Variants in NRCAM observed in about 807,000 individuals in gnomAD.
The protein encoded by NRCAM is NgCAM-related cell adhesion molecule.
NRCAM carries 83 observed loss-of-function variants against 156.5 expected under a neutral mutation model. That is an observed-to-expected ratio of 0.53 (90% CI 0.44 to 0.64). The LOEUF (loss-of-function observed/expected upper bound fraction) is 0.64. NRCAM is among the 30% of genes least tolerant of loss of function. The pLI is 0.00. For missense variants in NRCAM, 1,417 were observed against 1,597.3 expected (o/e 0.89, Z 1.92); for synonymous variants, 538 against 563.9 (o/e 0.95, Z 0.65).
At chr7:108,306,899 T>C (rs183087927) in intron 3 of NRCAM, among the ~76,000 whole-genome samples, 2 of 152,292 alleles carry the variant, frequency 1.3e-5, no homozygotes, top group Admixed American at 6.5e-5. Flanking sequence ...TCCATAAGTA[T>C]TTTCAGTTTT....
intron 6 of NRCAM, among the ~76,000 whole-genome samples, chr7:108,233,002 G>A (rs1562868521): frequency 6.6e-6 from 1 of 152,132 alleles, no homozygotes; most frequent in Non-Finnish European, 1.5e-5. Context: ...GTGAAGTGTA[G>A]GTTGGGAGGA....
At chr7:108,278,601 G>T (rs2097736253) in intron 3 of NRCAM, among the ~76,000 whole-genome samples, 2 of 152,218 alleles carry the variant, frequency 1.3e-5, no homozygotes, top group South Asian at 4.1e-4. Context: ...TGGTTGTGAA[G>T]ACCATAGGAA....
At chr7:108,349,528 A>G (rs2099396364) in intron 2 of NRCAM, among the ~76,000 whole-genome samples, 1 of 152,100 alleles carries the variant, frequency 6.6e-6, no homozygotes, top group Non-Finnish European at 1.5e-5. Context: ...TCAGCCTCCT[A>G]AAGTGCTGGG....
In NRCAM at chr7:108,210,253, G is replaced by GT. The variant is rs199832849; in HGVS notation, c.891-649dup. On this transcript the variant is annotated intron_variant, in intron 11 of 32. Transcript: ENST00000379028. Reference sequence around the variant, plus strand: ...CATTTGTCACCCAATGTTTTGTTTTGTTTTTTTTTTTGAGATGGAGTCTTG... The same window carrying GT: ...CATTTGTCACCCAATGTTTTGTTTTGTTTTTTTTTTTTGAGATGGAGTCTTG... Among the ~76,000 whole-genome samples the GT allele has an allele frequency of 9.4e-3, 798 of 85,000 alleles. 6 individuals are homozygous for GT. The highest frequency in any genetic ancestry group is 0.053 in the East Asian group (235 of 4,430). 55.8% of individuals were successfully genotyped at this position (85,000 alleles called of 152,430 possible). A position where few individuals can be genotyped will look rare whatever the true frequency, so the allele number is the denominator to read the frequency against.
At chr7:108,196,337 G>T (rs975244859) in intron 14 of NRCAM, among the ~76,000 whole-genome samples, 2 of 152,140 alleles carry the variant, frequency 1.3e-5, no homozygotes, top group African/African-American at 4.8e-5. Context: ...AGACAAATGG[G>T]ATTACACCAG....
rs1301567635 is a variant in NRCAM at position 108,180,339 on chromosome 7, T to A, written c.2735A>T (p.His912Leu). 1 of 1,613,798 alleles carries A rather than the reference T, an allele frequency of 6.2e-7. No homozygotes were observed. The highest frequency in any genetic ancestry group is 1.3e-5 in the African/African-American group (1 of 74,958). Residue 912 changes from histidine to leucine, a missense_variant, in exon 25 of 33, where the codon CAT becomes CTT. This residue lies in a region of NRCAM where 1,238 missense variants were observed against 1,336.4 expected (regional missense o/e 0.93). Coordinates refer to ENST00000379028, the MANE Select transcript of NRCAM (RefSeq NM_001037132.4). ...KILTFQGSKT[H>L]GMLPGLEPFS... is the part of the protein sequence containing the mutation. ...GGGCTCTAGCCCCGGCAACATGCCATGAGTCTTGCTGCCTTGGAAGGTGAG... is the reference window on the plus strand; with the variant it reads ...GGGCTCTAGCCCCGGCAACATGCCAAGAGTCTTGCTGCCTTGGAAGGTGAG...
intron 2 of NRCAM, among the ~76,000 whole-genome samples, chr7:108,334,663 C>G (rs2099160748): frequency 6.6e-6 from 1 of 152,180 alleles, no homozygotes; most frequent in African/African-American, 2.4e-5. Flanking sequence ...AGATCACAGT[C>G]CCACCTGAGA....
At chr7:108,232,567 A>C in intron 6 of NRCAM, 45 bp from the exon 7 acceptor site, 1 of 1,385,736 alleles carries the variant, frequency 7.2e-7, no homozygotes, top group South Asian at 1.4e-5. Context: ...GTCCAGAAAA[A>C]TGGGATTACC....
chr7:108,360,417 T>C (rs186971275), intron 2 of NRCAM, among the ~76,000 whole-genome samples: 28 of 152,214 alleles, frequency 1.8e-4, no homozygotes, highest in Non-Finnish European at 3.8e-4. Flanking sequence ...CAAATGAACA[T>C]GACCCGGGGT....
Position 108,284,887 on chromosome 7 carries a change from GCA to G in NRCAM, c.-107+27776_-107+27777del, listed in dbSNP as rs1226304103. On this transcript the variant is annotated intron_variant, in intron 3 of 32. Transcript: ENST00000379028. ...TTCTGCTTTGTGCTGCACGCACTTA[GCA>G]CAGCTACTGGCACATAATTAGCACT... 3.9e-5 allele frequency among the ~76,000 whole-genome samples: 6 copies of G among 152,340 alleles called. No individual in the cohort carries two copies. The East Asian group carries it at 1.2e-3, about 29-fold the overall frequency.
intron 3 of NRCAM, among the ~76,000 whole-genome samples, chr7:108,252,230 G>A (rs1433923000): frequency 2.0e-5 from 3 of 152,192 alleles, no homozygotes; most frequent in Non-Finnish European, 4.4e-5. Flanking sequence ...CTGCTCCTGC[G>A]TGGTCAGCTG....
At chr7:108,270,898 T>A (rs2097319171) in intron 3 of NRCAM, among the ~76,000 whole-genome samples, 1 of 152,254 alleles carries the variant, frequency 6.6e-6, no homozygotes, top group Non-Finnish European at 1.5e-5. Context: ...TTACTATAAA[T>A]GGGTTTAGAG....
In NRCAM at chr7:108,456,420, C is replaced by CCTGGCGAAGCGAGG. The variant is rs1857470147; in HGVS notation, c.-523_-510dup. On this transcript the variant is annotated 5_prime_UTR_variant, in exon 1 of 33. Transcript: ENST00000379028. Reference sequence around the variant, plus strand: ...ACTGCGGCGCGCGTCCGCCAGCGACCCTGGCGAAGCGAGGCTGGCCCCGCG... The same window carrying CCTGGCGAAGCGAGG: ...ACTGCGGCGCGCGTCCGCCAGCGACCCTGGCGAAGCGAGGCTGGCGAAGCGAGGCTGGCCCCGCG... 6.6e-6 allele frequency: 1 copy of CCTGGCGAAGCGAGG among 151,212 alleles called. No homozygotes were observed. Among genetic ancestry groups the CCTGGCGAAGCGAGG allele is most frequent in the South Asian group, 2.1e-4 (1 of 4,852 alleles). The allele number at this position is 151,212 out of a possible 1,614,324, so 9.4% of individuals were successfully genotyped here.
intron 3 of NRCAM, among the ~76,000 whole-genome samples, chr7:108,282,862 C>T (rs1029155243): frequency 2.0e-5 from 3 of 152,260 alleles, no homozygotes; most frequent in Non-Finnish European, 1.5e-5. Context: ...TCAAACTCTA[C>T]TGCACACTAG....
chr7:108,267,290 T>C (rs879308819), intron 3 of NRCAM, among the ~76,000 whole-genome samples: 1 of 152,208 alleles, frequency 6.6e-6, no homozygotes, highest in African/African-American at 2.4e-5. Flanking sequence ...GATGTGTGAT[T>C]AGAACTATAG....
chr7:108,453,395 G>A (rs187358945), intron 1 of NRCAM, among the ~76,000 whole-genome samples: 2 of 152,278 alleles, frequency 1.3e-5, no homozygotes, highest in East Asian at 3.9e-4. Context: ...TACACCTAGC[G>A]ATTATTGCCA....
intron 3 of NRCAM, among the ~76,000 whole-genome samples, chr7:108,291,570 T>C (rs924647227): frequency 1.3e-5 from 2 of 152,226 alleles, no homozygotes; most frequent in African/African-American, 4.8e-5. Context: ...TTTTTAAGTA[T>C]ATTTGTTATG....
chr7:108,154,235 G>A (rs62469168), intron 32 of NRCAM, among the ~76,000 whole-genome samples: 14,452 of 152,120 alleles, frequency 0.095, 884 homozygotes, highest in African/African-American at 0.16. Context: ...CCAATGGAAT[G>A]GAATATAGGG....
At chr7:108,165,552 A>G (rs1441159471) in intron 30 of NRCAM, among the ~76,000 whole-genome samples, 9 of 152,242 alleles carry the variant, frequency 5.9e-5, no homozygotes, top group Admixed American at 5.9e-4. Flanking sequence ...AAAACCTTGT[A>G]AACTAGCTAT....
Sources: gnomAD v4.1 joint callset for allele counts (sites outside exome capture counted in the v4.1 genomes callset) on GRCh38, gnomAD v4.1.1 for gene constraint, gnomAD v4.1.1 regional missense constraint, MANE v1.5 for transcripts, NCBI Gene and HGNC (gene_info 2026-07-23, HGNC 2026-07-21) for gene names.